NRDE2: variants seen among roughly 807,000 people sequenced by gnomAD.
The protein encoded by NRDE2 is NRDE-2, necessary for RNA interference, domain containing, also known as nuclear exosome regulator NRDE2.
Under a neutral mutation model 124.2 loss-of-function variants are expected in NRDE2, and 76 were observed. That is an observed-to-expected ratio of 0.61 (90% CI 0.51 to 0.74). The LOEUF is 0.74. Ranked by LOEUF, NRDE2 falls within the 30% of genes least tolerant of loss-of-function variation. NRDE2 has a pLI of 0.00. For missense variants in NRDE2, 1,314 were observed against 1,417.3 expected (o/e 0.93, Z 1.17); for synonymous variants, 489 against 528.1 (o/e 0.93, Z 1.01).
At chr14:90,313,486 G>A (rs771792158) in intron 3 of NRDE2, among the ~76,000 whole-genome samples, 4 of 152,032 alleles carry the variant, frequency 2.6e-5, no homozygotes, top group East Asian at 1.9e-4. Context: ...TCTGGACCTC[G>A]TAAATAAAGG....
chr14:90,292,606 C>T (rs545467159), intron 9 of NRDE2, 91 bp downstream of exon 9: 54 of 1,389,780 alleles, frequency 3.9e-5, no homozygotes, highest in Middle Eastern at 2.6e-4. Context: ...AGAGCTCCAG[C>T]GGCCTCCTTT....
chr14:90,297,421 A>G (rs1259195286), intron 8 of NRDE2, among the ~76,000 whole-genome samples: 1 of 152,174 alleles, frequency 6.6e-6, no homozygotes, highest in African/African-American at 2.4e-5. Context: ...TGTGGCCACT[A>G]GAAAATTTGA....
At position 90,301,222 on chromosome 14, in the gene NRDE2, C is replaced by G; in HGVS notation, c.1545+17G>C. Reference sequence around the variant, plus strand: ...AAGAGCCAGGAAGAGAGAGATGAGGCGAGCAGAGCTGGGTACCTGTCCTTT... The same window carrying G: ...AAGAGCCAGGAAGAGAGAGATGAGGGGAGCAGAGCTGGGTACCTGTCCTTT... On this transcript the variant is annotated intron_variant, in intron 7 of 13. Coordinates refer to ENST00000354366, the MANE Select transcript of NRDE2 (RefSeq NM_017970.4). 1 of 1,612,466 alleles carries G rather than the reference C, an allele frequency of 6.2e-7. No individual in the cohort carries two copies.
intron 7 of NRDE2, among the ~76,000 whole-genome samples, chr14:90,298,710 C>T (rs1372637532): frequency 6.6e-6 from 1 of 152,160 alleles, no homozygotes; most frequent in Non-Finnish European, 1.5e-5. Flanking sequence ...AAAAGACCAG[C>T]TGAGGTTCAG....
intron 12 of NRDE2, among the ~76,000 whole-genome samples, chr14:90,282,245 G>A (rs55721813): frequency 0.018 from 2,766 of 152,306 alleles, 83 homozygotes; most frequent in African/African-American, 0.063. Context: ...GGGAGGCTGA[G>A]GTGAATGGAC....
chr14:90,289,079 G>A lies in NRDE2; in HGVS notation c.2296C>T (p.Leu766=). 2 of 1,613,962 alleles carry A rather than the reference G, an allele frequency of 1.2e-6. No homozygotes were observed. Among genetic ancestry groups the A allele is most frequent in the African/African-American group, 1.3e-5 (1 of 75,048 alleles). ...LKSQGKNCKK[L]AKNLLKEPEN... Reference sequence around the variant, plus strand: ...GGCTCCTTAAGGAGATTCTTGGCTAGTTTTTTGCAGTTCTTCCCTTGAGAC... The same window carrying A: ...GGCTCCTTAAGGAGATTCTTGGCTAATTTTTTGCAGTTCTTCCCTTGAGAC... Residue 766 remains leucine, a synonymous_variant, in exon 11 of 14, where the codon CTA becomes TTA. Transcript: ENST00000354366.
At chr14:90,317,055 T>G (rs929746612) in intron 2 of NRDE2, among the ~76,000 whole-genome samples, 9 of 152,306 alleles carry the variant, frequency 5.9e-5, no homozygotes, top group Non-Finnish European at 1.2e-4. Flanking sequence ...CTATACTTTC[T>G]TATTTATACA....
chr14:90,289,857 G>C (rs763317035), intron 10 of NRDE2, among the ~76,000 whole-genome samples: 25 of 152,186 alleles, frequency 1.6e-4, no homozygotes, highest in Non-Finnish European at 3.5e-4. Flanking sequence ...CAAAGTGCTG[G>C]GATTACAGGC....
chr14:90,304,114 C>G lies in NRDE2; in HGVS notation c.826G>C (p.Asp276His). The G allele has an allele frequency of 6.2e-7, 1 of 1,614,170 alleles. No individual in the cohort carries two copies. Among genetic ancestry groups the G allele is most frequent in the African/African-American group, 1.3e-5 (1 of 75,046 alleles). The change falls in exon 5 of 14, where the codon GAT (aspartate) becomes CAT (histidine). Residue 276 changes from aspartate (D) to histidine (H), a missense_variant. Coordinates refer to ENST00000354366, the MANE Select transcript of NRDE2 (RefSeq NM_017970.4). ...TGTAGCCAATGTGTGGTTGACTGAT[C>G]ATAAATCCCCAGAGGATTCAACCAG... is the stretch of plus-strand genomic sequence containing the variant. Reference protein sequence around the residue: ...TTWLNPLGIYDQSTTHWLQGQ... With the variant: ...TTWLNPLGIYHQSTTHWLQGQ...
chr14:90,289,805 C>A (rs1263187022), intron 10 of NRDE2, among the ~76,000 whole-genome samples: 2 of 152,220 alleles, frequency 1.3e-5, no homozygotes, highest in Non-Finnish European at 2.9e-5. Flanking sequence ...CCAGGTTGGT[C>A]TCGAACTCCT....
At chr14:90,308,525 G>T (rs1177007975) in intron 4 of NRDE2, among the ~76,000 whole-genome samples, 1 of 152,062 alleles carries the variant, frequency 6.6e-6, no homozygotes, top group Non-Finnish European at 1.5e-5. Flanking sequence ...ATTGGGGGTG[G>T]GAGGGAGGAA....
chr14:90,271,730 C>CTAA lies in NRDE2; in HGVS notation c.*6605_*6606insTTA, dbSNP rs1259093275. On this transcript the variant is annotated 3_prime_UTR_variant, in exon 14 of 14. Transcript: ENST00000354366. Reference sequence around the variant, plus strand: ...CTGAGCCAAAACTAGAACCCACAGCCCTGACCCTTGGGTCAGTCTTAGTTA... The same window carrying CTAA: ...CTGAGCCAAAACTAGAACCCACAGCCTAACTGACCCTTGGGTCAGTCTTAGTTA... The CTAA allele has an allele frequency of 6.6e-6, 1 of 152,196 alleles. No individual in the cohort carries two copies. Among genetic ancestry groups the CTAA allele is most frequent in the African/African-American group, 2.4e-5 (1 of 41,422 alleles). The allele number at this position is 152,196 out of a possible 1,614,324, so 9.4% of individuals were successfully genotyped here.
At position 90,270,085 on chromosome 14, in the gene NRDE2, A is replaced by C. The variant is rs1157796977; in HGVS notation, c.*8251T>G. ...TTTAAAATTTAGACATCCTTCCCAC[A>C]GAATTCTGTCCGACTGAAACTTCGT... On this transcript the variant is annotated 3_prime_UTR_variant, in exon 14 of 14. Transcript: ENST00000354366. 9.7e-6 allele frequency: 11 copies of C among 1,131,674 alleles called. No individual in the cohort carries two copies. The highest frequency in any genetic ancestry group is 1.4e-5 in the Non-Finnish European group (11 of 806,700). The allele number at this position is 1,131,674 out of a possible 1,614,324, so 70.1% of individuals were successfully genotyped here.
At chr14:90,292,919 C>A in intron 8 of NRDE2, 47 bp from the exon 9 acceptor site, 1 of 1,557,490 alleles carries the variant, frequency 6.4e-7, no homozygotes, top group Non-Finnish European at 8.8e-7. Flanking sequence ...ATAAAACCAC[C>A]ATCGCCACTC....
chr14:90,292,625 C>A, intron 9 of NRDE2, 72 bp downstream of exon 9: 2 of 1,527,780 alleles, frequency 1.3e-6, no homozygotes, highest in South Asian at 1.2e-5. Context: ...TTCAGATAAC[C>A]AAAGCGCATG....
Position 90,277,313 on chromosome 14 carries a change from G to A in NRDE2, c.*1023C>T, listed in dbSNP as rs1338963636. 2 of 152,240 alleles carry A rather than the reference G, an allele frequency of 1.3e-5. No homozygotes were observed. The highest frequency in any genetic ancestry group is 4.8e-5 in the African/African-American group (2 of 41,452). The allele number at this position is 152,240 out of a possible 1,614,324, so 9.4% of individuals were successfully genotyped here. A position where few individuals can be genotyped will look rare whatever the true frequency, so the allele number is the denominator to read the frequency against. ...TTCTAAATGTGCTGAGGAGATACAAGTATACAGCAATTCTAAAGAGAGGAA... is the reference window on the plus strand; with the variant it reads ...TTCTAAATGTGCTGAGGAGATACAAATATACAGCAATTCTAAAGAGAGGAA... On this transcript the variant is annotated 3_prime_UTR_variant, in exon 14 of 14. Coordinates refer to ENST00000354366, the MANE Select transcript of NRDE2 (RefSeq NM_017970.4).
intron 1 of NRDE2, among the ~76,000 whole-genome samples, chr14:90,321,575 A>G (rs1314442898): frequency 6.6e-6 from 1 of 151,580 alleles, no homozygotes; most frequent in African/African-American, 2.4e-5. Flanking sequence ...AAAAGAAAAG[A>G]AAAAAAGAAA....
chr14:90,306,130 C>CA (rs1215005299), intron 4 of NRDE2, among the ~76,000 whole-genome samples: 1 of 152,186 alleles, frequency 6.6e-6, no homozygotes, highest in Non-Finnish European at 1.5e-5. Context: ...AAAAATCTTT[C>CA]AACTTTTGCT....
chr14:90,313,804 T>C (rs1884943299), intron 3 of NRDE2, among the ~76,000 whole-genome samples: 1 of 152,182 alleles, frequency 6.6e-6, no homozygotes, highest in African/African-American at 2.4e-5. Context: ...TGGCAGGGAA[T>C]ATAAGGGAAT....
Sources: gnomAD v4.1 joint callset for allele counts (sites outside exome capture counted in the v4.1 genomes callset) on GRCh38, gnomAD v4.1.1 for gene constraint, MANE v1.5 for transcripts, NCBI Gene and HGNC (gene_info 2026-07-23, HGNC 2026-07-21) for gene names.